TBC1D22A: variants seen among roughly 807,000 people sequenced by gnomAD.
TBC1D22A encodes putative GTPase activator.
A neutral mutation model predicts 60.2 loss-of-function variants in TBC1D22A; 38 were observed. The ratio of observed to expected loss-of-function variants is 0.63; its 90% CI spans 0.49 to 0.83. The LOEUF (loss-of-function observed/expected upper bound fraction) is 0.83, where lower values mean the gene tolerates loss of function less well. Ranked by LOEUF, TBC1D22A falls within the 40% of genes least tolerant of loss-of-function variation. The pLI is 0.00. For synonymous variants in TBC1D22A, 302 were observed against 281.7 expected, an observed-to-expected ratio of 1.07 and a Z score of -0.72; for missense variants, 628 against 701.0, an observed-to-expected ratio of 0.90 and a Z score of 1.18.
At chr22:47,065,553 G>T (rs975496300) in intron 11 of TBC1D22A, among the ~76,000 whole-genome samples, 2 of 152,228 alleles carry the variant, frequency 1.3e-5, no homozygotes, top group Non-Finnish European at 2.9e-5. Context: ...CCTGCCCTTG[G>T]GGGAGAGTTA....
At chr22:47,039,329 A>G (rs1378143167) in intron 11 of TBC1D22A, among the ~76,000 whole-genome samples, 5 of 152,170 alleles carry the variant, frequency 3.3e-5, no homozygotes, top group Non-Finnish European at 7.3e-5. Context: ...TTACAGGGCC[A>G]AGTAACCATG....
At chr22:46,839,878 A>G (rs908383856) in intron 4 of TBC1D22A, among the ~76,000 whole-genome samples, 3 of 152,212 alleles carry the variant, frequency 2.0e-5, no homozygotes, top group Non-Finnish European at 4.4e-5. Flanking sequence ...GTTTGTTGGG[A>G]AAAGTAGATA....
chr22:47,147,059 G>A (rs545300768), intron 12 of TBC1D22A, among the ~76,000 whole-genome samples: 1 of 152,362 alleles, frequency 6.6e-6, no homozygotes, highest in Non-Finnish European at 1.5e-5. Context: ...AAGGGCCGCT[G>A]CGCAGAAGGA....
intron 1 of TBC1D22A, chr22:46,763,140 C>G: frequency 2.5e-6 from 1 of 394,752 alleles, no homozygotes; most frequent in Non-Finnish European, 4.5e-6. Flanking sequence ...CTTGGGGAGG[C>G]TGGAAGGAAC....
intron 11 of TBC1D22A, among the ~76,000 whole-genome samples, chr22:47,043,668 C>T (rs1215769581): frequency 6.6e-6 from 1 of 152,034 alleles, no homozygotes; most frequent in Admixed American, 6.5e-5. Flanking sequence ...GGCTGAGTTG[C>T]AGCTGAACAG....
chr22:47,122,993 C>T (rs890584397), intron 12 of TBC1D22A, among the ~76,000 whole-genome samples: 1 of 152,154 alleles, frequency 6.6e-6, no homozygotes, highest in Non-Finnish European at 1.5e-5. Flanking sequence ...TGGAAGGAGG[C>T]GGAGAGAAGA....
chr22:46,788,738 T>C (rs955258351), intron 1 of TBC1D22A, among the ~76,000 whole-genome samples: 3 of 152,228 alleles, frequency 2.0e-5, no homozygotes, highest in Admixed American at 2.0e-4. Flanking sequence ...GAAATAAATG[T>C]GATGTTTTCA....
intron 12 of TBC1D22A, among the ~76,000 whole-genome samples, chr22:47,151,257 C>T (rs1403744705): frequency 2.0e-5 from 3 of 152,182 alleles, no homozygotes; most frequent in Non-Finnish European, 4.4e-5. Context: ...TCAGCGCCCA[C>T]CCGTGTACTC....
intron 4 of TBC1D22A, among the ~76,000 whole-genome samples, chr22:46,848,712 T>C (rs2147265674): frequency 6.6e-6 from 1 of 152,366 alleles, no homozygotes; most frequent in South Asian, 2.1e-4. Context: ...GGCATACTAT[T>C]TCTGTTGCAA....
At chr22:46,943,083 C>T (rs1490741945) in intron 8 of TBC1D22A, among the ~76,000 whole-genome samples, 2 of 152,090 alleles carry the variant, frequency 1.3e-5, no homozygotes, top group Non-Finnish European at 2.9e-5. Context: ...AGAGGACTTC[C>T]GCAGGTGTCA....
chr22:47,146,877 C>T (rs1482316582), intron 12 of TBC1D22A, among the ~76,000 whole-genome samples: 1 of 152,248 alleles, frequency 6.6e-6, no homozygotes, highest in African/African-American at 2.4e-5. Context: ...AGAGGGCTGT[C>T]TGCCCACCCG....
At chr22:46,863,670 A>G (rs966338161) in intron 4 of TBC1D22A, among the ~76,000 whole-genome samples, 4 of 152,202 alleles carry the variant, frequency 2.6e-5, no homozygotes, top group African/African-American at 9.6e-5. Flanking sequence ...TTGGAAACCA[A>G]AGGGGTCATG....
intron 10 of TBC1D22A, among the ~76,000 whole-genome samples, chr22:47,015,426 C>T (rs996730616): frequency 2.0e-5 from 3 of 152,156 alleles, no homozygotes; most frequent in Non-Finnish European, 4.4e-5. Context: ...TGTGAGGGGG[C>T]CACGCCCACC....
At position 46,943,268 on chromosome 22, in the gene TBC1D22A, A is replaced by C. The variant is rs137929230; in HGVS notation, c.1016-31022A>C. The stretch of plus-strand genomic sequence containing the variant: ...GAGCCTCCTCTCCCACTCAGAAGCC[A>C]GGAGGTGGTGGAGTTGGACTGGAGG... On this transcript the variant is annotated intron_variant, in intron 8 of 12. Transcript: ENST00000337137. Among the ~76,000 whole-genome samples the C allele has an allele frequency of 4.2e-3, 638 of 152,310 alleles. 2 individuals are homozygous for C. Among genetic ancestry groups the C allele is most frequent in the Admixed American group, 8.1e-3 (124 of 15,302 alleles).
chr22:47,124,539 G>A (rs923473177), intron 12 of TBC1D22A, among the ~76,000 whole-genome samples: 3 of 152,216 alleles, frequency 2.0e-5, no homozygotes, highest in African/African-American at 7.2e-5. Flanking sequence ...GGACCTGCCT[G>A]TGCCTCTGTG....
chr22:47,164,387 G>A (rs1184489568), intron 12 of TBC1D22A, among the ~76,000 whole-genome samples: 2 of 152,232 alleles, frequency 1.3e-5, no homozygotes, highest in Admixed American at 6.5e-5. Flanking sequence ...GCAGCCCCTC[G>A]TCACCTGAGT....
At chr22:47,008,780 T>A (rs2061662306) in intron 10 of TBC1D22A, among the ~76,000 whole-genome samples, 1 of 152,206 alleles carries the variant, frequency 6.6e-6, no homozygotes. Flanking sequence ...CTTCTGTCCC[T>A]TCTTCCAGGT....
intron 11 of TBC1D22A, among the ~76,000 whole-genome samples, chr22:47,067,779 C>G (rs920662269): frequency 1.3e-5 from 2 of 152,250 alleles, no homozygotes; most frequent in Non-Finnish European, 2.9e-5. Context: ...CACACACTTG[C>G]GCTTGCATAC....
At chr22:46,769,476 C>A (rs1329285871) in intron 1 of TBC1D22A, among the ~76,000 whole-genome samples, 1 of 152,212 alleles carries the variant, frequency 6.6e-6, no homozygotes, top group African/African-American at 2.4e-5. Flanking sequence ...AGGTGGCAGT[C>A]CCGGGACCCT....
Sources: allele counts gnomAD v4.1 joint callset (sites outside exome capture counted in the v4.1 genomes callset), GRCh38; gene constraint gnomAD v4.1.1; transcripts MANE v1.5; gene names NCBI Gene and HGNC (gene_info 2026-07-23, HGNC 2026-07-21).